Variants in FMNL3 observed in about 807,000 individuals in gnomAD.
FMNL3 encodes the protein formin like 3, also known as formin-like protein 3.
In FMNL3, 57 loss-of-function variants were observed where a neutral mutation model predicts 119.6. That is an observed-to-expected ratio of 0.48 (90% CI 0.39 to 0.59). The LOEUF (loss-of-function observed/expected upper bound fraction) is 0.59. Among genes scored for constraint, FMNL3 ranks in the 20% least tolerant of loss-of-function variants. The pLI is 0.00. For synonymous variants in FMNL3, 491 were observed against 507.3 expected (o/e 0.97, Z 0.43); for missense variants, 1,053 against 1,323.5 (o/e 0.80, Z 3.17).
At chr12:49,662,382 T>G (rs1322521312) in intron 4 of FMNL3, among the ~76,000 whole-genome samples, 1 of 152,128 alleles carries the variant, frequency 6.6e-6, no homozygotes, top group East Asian at 1.9e-4. Context: ...TGCTCAGTGT[T>G]TGTTGGAAGA....
rs1287069691 is a variant in FMNL3 at position 49,650,816 on chromosome 12, G to T, written c.1860C>A (p.Asp620Glu). The T allele has an allele frequency of 1.2e-6, 2 of 1,614,212 alleles. No individual in the cohort carries two copies. The highest frequency in any genetic ancestry group is 1.7e-5 in the Admixed American group (1 of 60,026). ...CTGTCTTGTTTTTGGAGCAGATGAG[G>T]TCAAGGGCAGGGCCCTGCGCTTTTG... is the stretch of plus-strand genomic sequence containing the variant. The part of the protein sequence containing the change: ...FKTKAQGPAL[D>E]LICSKNKTAQ... Residue 620 changes from aspartate (D) to glutamate (E), a missense_variant, in exon 17 of 26, where the codon GAC (aspartate) becomes GAA (glutamate). Around this residue, in one of 4 missense-constraint regions of FMNL3, gnomAD observed 445 missense variants for 628.4 expected, o/e 0.71. Transcript: ENST00000335154.
At position 49,639,343 on chromosome 12, in the gene FMNL3, C is replaced by T. The variant is rs1004690924; in HGVS notation, c.*6472G>A. ...GACCTCTCTCCTACTGTTGGGGCTA[C>T]TTGGTACAAAAGTCCAAGAAGCACT... is the stretch of plus-strand genomic sequence containing the variant. On this transcript the variant is annotated 3_prime_UTR_variant, in exon 26 of 26. Transcript: ENST00000335154. The T allele has an allele frequency of 7.2e-5, 11 of 152,196 alleles. No individual in the cohort carries two copies. The highest frequency in any genetic ancestry group is 1.3e-4 in the Non-Finnish European group (9 of 68,044). 9.4% of individuals were successfully genotyped at this position (152,196 alleles called of 1,614,324 possible).
At chr12:49,673,857 C>A (rs1036828352) in intron 1 of FMNL3, among the ~76,000 whole-genome samples, 2 of 152,252 alleles carry the variant, frequency 1.3e-5, no homozygotes, top group African/African-American at 4.8e-5. Context: ...TCCAGCACAG[C>A]TCCTTCTAAC....
intron 1 of FMNL3, among the ~76,000 whole-genome samples, chr12:49,703,654 T>C (rs1188186705): frequency 6.6e-6 from 1 of 152,214 alleles, no homozygotes; most frequent in Non-Finnish European, 1.5e-5. Flanking sequence ...GTGATCCATC[T>C]GCAGCACACT....
intron 1 of FMNL3, among the ~76,000 whole-genome samples, chr12:49,689,395 T>C (rs1347750303): frequency 1.3e-5 from 2 of 152,216 alleles, no homozygotes; most frequent in Non-Finnish European, 2.9e-5. Flanking sequence ...CTATTCTCTA[T>C]TCCCTGTTGA....
chr12:49,690,051 T>A (rs1453043559), intron 1 of FMNL3, among the ~76,000 whole-genome samples: 2 of 152,218 alleles, frequency 1.3e-5, no homozygotes, highest in Non-Finnish European at 2.9e-5. Flanking sequence ...CACCTCATGA[T>A]CTCACTTGGT....
intron 1 of FMNL3, among the ~76,000 whole-genome samples, chr12:49,705,484 ACC>A (rs1945023565): frequency 1.3e-5 from 2 of 151,678 alleles, no homozygotes; most frequent in South Asian, 2.1e-4. Flanking sequence ...CACCCAATCC[ACC>A]TCACCCCATC....
At chr12:49,662,204 G>A (rs1210810324) in intron 4 of FMNL3, among the ~76,000 whole-genome samples, 155 bp from the exon 5 acceptor site, 3 of 152,114 alleles carry the variant, frequency 2.0e-5, no homozygotes, top group East Asian at 3.9e-4. Context: ...ACCCATCCAC[G>A]GTCATGGACT....
At chr12:49,693,717 C>T (rs562688237) in intron 1 of FMNL3, among the ~76,000 whole-genome samples, 6 of 132,122 alleles carry the variant, frequency 4.5e-5, no homozygotes, top group East Asian at 4.8e-4. Flanking sequence ...GGTGCAATCT[C>T]GGCTCACTGC....
intron 4 of FMNL3, among the ~76,000 whole-genome samples, chr12:49,662,628 GT>G (rs1030317016): frequency 8.5e-5 from 13 of 152,174 alleles, no homozygotes; most frequent in African/African-American, 3.1e-4. Flanking sequence ...GTCATGTTGA[GT>G]TTGGCAGAAC....
chr12:49,692,236 C>T (rs1332183878), intron 1 of FMNL3, among the ~76,000 whole-genome samples: 1 of 151,592 alleles, frequency 6.6e-6, no homozygotes, highest in Non-Finnish European at 1.5e-5. Flanking sequence ...GCCTGTAGTC[C>T]CAGCTACTTG....
chr12:49,655,042 G>A, intron 9 of FMNL3, 58 bp from the exon 10 acceptor site: 2 of 1,516,082 alleles, frequency 1.3e-6, no homozygotes, highest in South Asian at 1.1e-5. Flanking sequence ...CCAAGCCCCT[G>A]CGCTCTGGCT....
Position 49,646,779 on chromosome 12 carries a change from G to C in FMNL3, c.2995+107C>G, listed in dbSNP as rs757978502. ...CTGTGGCCCAGGAGAGAGACACAGT[G>C]GTCAGGCCTCATGGGGGGTGGGGTG... On this transcript the variant is annotated intron_variant, in intron 25 of 25. Transcript: ENST00000335154. The C allele has an allele frequency of 3.7e-6, 6 of 1,605,360 alleles. No individual in the cohort carries two copies. In the East Asian group the frequency reaches 1.3e-4, roughly 36 times the overall value.
At chr12:49,706,452 C>CT (rs1308393926) in intron 1 of FMNL3, among the ~76,000 whole-genome samples, 2 of 152,252 alleles carry the variant, frequency 1.3e-5, no homozygotes, top group Non-Finnish European at 2.9e-5. Flanking sequence ...CAAATCCACT[C>CT]TAACTTAGCA....
rs1032494694 is a variant in FMNL3, at chr12:49,642,758, C to T, written c.*3057G>A. 4.0e-5 allele frequency: 60 copies of T among 1,494,984 alleles called. No individual in the cohort carries two copies. Among genetic ancestry groups the T allele is most frequent in the Non-Finnish European group, 1.5e-5 (16 of 1,093,280 alleles). The allele number at this position is 1,494,984 out of a possible 1,614,324, so 92.6% of individuals were successfully genotyped here. On this transcript the variant is annotated 3_prime_UTR_variant, in exon 26 of 26. Coordinates refer to ENST00000335154, the MANE Select transcript of FMNL3 (RefSeq NM_175736.5). This position sits in a 1 kb window ranked among gnomAD's most constrained non-coding sequence, Gnocchi z 5.8. Reference sequence around the variant, plus strand: ...CAACAGAGACCTCAGTGGCCTCCCTCTTACCCTTAGGGCACTCCTGGCCAG... The same window carrying T: ...CAACAGAGACCTCAGTGGCCTCCCTTTTACCCTTAGGGCACTCCTGGCCAG...
At chr12:49,679,090 G>A (rs937630415) in intron 1 of FMNL3, among the ~76,000 whole-genome samples, 1 of 152,110 alleles carries the variant, frequency 6.6e-6, no homozygotes, top group African/African-American at 2.4e-5. Context: ...ACTGCGATAA[G>A]CACTCTATAT....
At position 49,643,417 on chromosome 12, in the gene FMNL3, G is replaced by C. The variant is rs374374885; in HGVS notation, c.*2398C>G. On this transcript the variant is annotated 3_prime_UTR_variant, in exon 26 of 26. Coordinates refer to ENST00000335154, the MANE Select transcript of FMNL3 (RefSeq NM_175736.5). ...GAGCAGGTAAGCAGTTGCTGTGAGCGTAGAAGCTGGAGAACTGTTGTCCCA... is the reference window on the plus strand; with the variant it reads ...GAGCAGGTAAGCAGTTGCTGTGAGCCTAGAAGCTGGAGAACTGTTGTCCCA... 13 of 1,535,172 alleles carry C rather than the reference G, an allele frequency of 8.5e-6. No homozygotes were observed. Among genetic ancestry groups the C allele is most frequent in the Middle Eastern group, 1.8e-4 (1 of 5,588 alleles).
At chr12:49,703,740 T>C (rs980180229) in intron 1 of FMNL3, among the ~76,000 whole-genome samples, 3 of 152,166 alleles carry the variant, frequency 2.0e-5, no homozygotes, top group Admixed American at 1.3e-4. Context: ...AATCTTCTCA[T>C]AGCCCTCATC....
At chr12:49,665,339 CT>C (rs1304675559) in intron 4 of FMNL3, among the ~76,000 whole-genome samples, 2 of 152,120 alleles carry the variant, frequency 1.3e-5, no homozygotes, top group Non-Finnish European at 2.9e-5. Context: ...TGCCTTACAT[CT>C]TTCCTGGTGC....
Sources: gnomAD v4.1 joint callset for allele counts (sites outside exome capture counted in the v4.1 genomes callset) on GRCh38, gnomAD v4.1.1 for gene constraint, gnomAD v4.1.1 regional missense constraint, Gnocchi (gnomAD v3.1) non-coding constraint, MANE v1.5 for transcripts, NCBI Gene and HGNC (gene_info 2026-07-23, HGNC 2026-07-21) for gene names.